TASOR2: variants seen among roughly 807,000 people sequenced by gnomAD.
TASOR2 encodes the protein transcription activation suppressor family member 2.
TASOR2 carries 84 observed loss-of-function variants against 199.5 expected under a neutral mutation model. The observed-to-expected ratio is 0.42, with a 90% CI of 0.35 to 0.50. TASOR2 has a LOEUF of 0.50. TASOR2 is among the 20% of genes least tolerant of loss of function. TASOR2 has a pLI of 0.02. For synonymous variants in TASOR2, 1,103 were observed against 1,046.6 expected (o/e 1.05, Z -1.04); for missense variants, 2,796 against 2,835.9 (o/e 0.99, Z 0.32).
exon 15 of TASOR2, chr10:5,747,127 G>C: frequency 1.2e-6 from 2 of 1,614,052 alleles, no homozygotes; most frequent in Non-Finnish European, 1.7e-6. Flanking sequence ...TGACTCTTTA[G>C]AACTAAGGAA....
At chr10:5,716,662 C>T (rs767660011) in intron 2 of TASOR2, among the ~76,000 whole-genome samples, 1 of 152,108 alleles carries the variant, frequency 6.6e-6, no homozygotes, top group Non-Finnish European at 1.5e-5. Flanking sequence ...TGCCTGTAAT[C>T]GTAGCTCTTT....
chr10:5,730,416 C>T lies in TASOR2; in HGVS notation c.488-71C>T. ...CATCACATAATTTTGAAATCTAAAG[C>T]TTTTTTTTCCAGAATGTTTTGTTTT... is the stretch of plus-strand genomic sequence containing the variant. On this transcript the variant is annotated intron_variant, in intron 10 of 20. Transcript: ENST00000328090. The surrounding 1 kb of genome is among the most constrained non-coding windows in gnomAD (Gnocchi z 4.1). The T allele has an allele frequency of 8.1e-7, 1 of 1,237,730 alleles. No individual in the cohort carries two copies. The highest frequency in any genetic ancestry group is 1.1e-6 in the Non-Finnish European group (1 of 901,190). The allele number at this position is 1,237,730 out of a possible 1,614,324, so 76.7% of individuals were successfully genotyped here. A position where few individuals can be genotyped will look rare whatever the true frequency, so the allele number is the denominator to read the frequency against.
At chr10:5,741,199 T>A (rs1051554852) in intron 13 of TASOR2, among the ~76,000 whole-genome samples, 1 of 152,216 alleles carries the variant, frequency 6.6e-6, no homozygotes, top group African/African-American at 2.4e-5. Flanking sequence ...TTTCAGGTGA[T>A]ATCAATGGTG....
At position 5,738,359 on chromosome 10, in the gene TASOR2, C is replaced by A. The variant is rs951909680; in HGVS notation, c.1448-1259C>A. On this transcript the variant is annotated intron_variant, in intron 12 of 20. Transcript: ENST00000328090. The surrounding 1 kb of genome is among the most constrained non-coding windows in gnomAD (Gnocchi z 4.7). ...TAATACAGTATCTTTTATATTAGGC[C>A]TTACTGGTAAGTAATATTTTGTGTA... Among the ~76,000 whole-genome samples, 1 of 151,878 alleles carries A rather than the reference C, an allele frequency of 6.6e-6. No individual in the cohort carries two copies. The highest frequency in any genetic ancestry group is 1.5e-5 in the Non-Finnish European group (1 of 68,024).
chr10:5,695,347 TATC>T (rs1183100896), intron 1 of TASOR2, among the ~76,000 whole-genome samples: 11 of 152,324 alleles, frequency 7.2e-5, no homozygotes, highest in African/African-American at 2.4e-4. Flanking sequence ...TTTGAGATAA[TATC>T]ATTGAAGATC....
exon 11 of TASOR2, chr10:5,731,009 T>C: frequency 6.2e-7 from 1 of 1,614,118 alleles, no homozygotes; most frequent in Non-Finnish European, 8.5e-7. Context: ...AAGAGAGTTT[T>C]TCCATTGAGT....
At chr10:5,692,625 G>A (rs1399534417) in intron 1 of TASOR2, among the ~76,000 whole-genome samples, 1 of 152,114 alleles carries the variant, frequency 6.6e-6, no homozygotes, top group East Asian at 1.9e-4. Flanking sequence ...TCTACGGAGT[G>A]TGCGGGGATC....
intron 15 of TASOR2, among the ~76,000 whole-genome samples, chr10:5,753,782 C>G (rs1295718175): frequency 6.6e-6 from 1 of 152,188 alleles, no homozygotes; most frequent in Non-Finnish European, 1.5e-5. Flanking sequence ...ATTGAATGGT[C>G]TTCACTCTCT....
At chr10:5,761,134 T>C (rs570924318) in intron 18 of TASOR2, 156 bp from the exon 20 acceptor site, 257 of 606,556 alleles carry the variant, frequency 4.2e-4, no homozygotes, top group Admixed American at 9.9e-4. Flanking sequence ...GTAGGTACAA[T>C]TGTGATGTTT....
At position 5,742,834 on chromosome 10, in the gene TASOR2, C is replaced by CT. The variant is rs1231339856; in HGVS notation, c.2757+310dup. Reference sequence around the variant, plus strand: ...TTTGCCTAATTTTTAAAAGAGGTGACTTAATACCTATCAAGTCTTATGTAG... The same window carrying CT: ...TTTGCCTAATTTTTAAAAGAGGTGACTTTAATACCTATCAAGTCTTATGTAG... On this transcript the variant is annotated intron_variant, in intron 14 of 20. Transcript: ENST00000328090. The surrounding 1 kb of genome is among the most constrained non-coding windows in gnomAD (Gnocchi z 4.2). Among the ~76,000 whole-genome samples, 1 of 152,100 alleles carries CT rather than the reference C, an allele frequency of 6.6e-6. No individual in the cohort carries two copies. Among genetic ancestry groups the CT allele is most frequent in the Non-Finnish European group, 1.5e-5 (1 of 68,032 alleles).
chr10:5,761,311 G>C lies in TASOR2; in HGVS notation c.7014G>C (p.Lys2338Asn), dbSNP rs187381778. The change falls in exon 19 of 21, where the codon AAG (lysine) becomes AAC (asparagine). Residue 2338 changes from lysine to asparagine, a missense_variant. Physicochemically the swap from Lys to Asn is moderately conservative, Grantham distance 94. Around this residue, in one of 3 missense-constraint regions of TASOR2, gnomAD observed 1,941 missense variants for 1,924.9 expected, o/e 1.01. Coordinates refer to ENST00000328090, the Ensembl canonical transcript of TASOR2. ...ACAGAGTGGATTCAACTGCACATAA[G>C]AAGAACATAATGTTGAAGTCATTTC... 5.9e-5 allele frequency: 96 copies of C among 1,613,518 alleles called. No individual in the cohort carries two copies. In the African/African-American group the frequency reaches 1.1e-3, roughly 19 times the overall value.
At chr10:5,712,865 CAGGA>C in exon 2 of TASOR2, 1 of 1,231,244 alleles carries the variant, frequency 8.1e-7, no homozygotes, top group Non-Finnish European at 1.0e-6. Flanking sequence ...TAGTTATACT[CAGGA>C]AGAACTTCAA....
At chr10:5,741,047 C>A (rs1051719567) in intron 13 of TASOR2, among the ~76,000 whole-genome samples, 9 of 152,190 alleles carry the variant, frequency 5.9e-5, no homozygotes, top group African/African-American at 2.2e-4. Context: ...CCCTTTCTTA[C>A]CTCCTGTGAT....
At chr10:5,732,378 C>G (rs947574021) in intron 11 of TASOR2, among the ~76,000 whole-genome samples, 1 of 152,254 alleles carries the variant, frequency 6.6e-6, no homozygotes, top group Non-Finnish European at 1.5e-5. Context: ...GTGACAGAAG[C>G]CACATGACCT....
exon 15 of TASOR2, chr10:5,747,149 A>G: frequency 1.2e-6 from 2 of 1,614,174 alleles, no homozygotes; most frequent in Non-Finnish European, 1.7e-6. Context: ...AATCACAAGA[A>G]TGGTCCAAAC....
At chr10:5,757,785 GC>G in intron 17 of TASOR2, 112 bp downstream of exon 18, 1 of 1,160,130 alleles carries the variant, frequency 8.6e-7, no homozygotes, top group Non-Finnish European at 1.2e-6. Context: ...AATATCAGTT[GC>G]CCCCTACTGA....
rs116277601 is a variant in TASOR2, at chr10:5,754,178, G to A, written c.6607-2435G>A. On this transcript the variant is annotated intron_variant, in intron 15 of 20. Transcript: ENST00000328090. This position sits in a 1 kb window ranked among gnomAD's most constrained non-coding sequence, Gnocchi z 4.3. ...AAATTAGCCGGGTGTGGCGGCGCGC[G>A]CTTGTGGTACTCGGGAGGCTAAGGC... is the stretch of plus-strand genomic sequence containing the variant. Among the ~76,000 whole-genome samples the A allele has an allele frequency of 0.014, 2,070 of 152,118 alleles. 48 individuals carry two copies. Among genetic ancestry groups the A allele is most frequent in the African/African-American group, 0.048 (1,978 of 41,482 alleles).
At chr10:5,732,818 G>T (rs564896605) in intron 11 of TASOR2, among the ~76,000 whole-genome samples, 1 of 152,166 alleles carries the variant, frequency 6.6e-6, no homozygotes, top group African/African-American at 2.4e-5. Flanking sequence ...GATTACAGGC[G>T]TCAGCCACTG....
At chr10:5,753,139 A>G (rs1838313140) in intron 15 of TASOR2, among the ~76,000 whole-genome samples, 2 of 152,186 alleles carry the variant, frequency 1.3e-5, no homozygotes, top group Non-Finnish European at 2.9e-5. Context: ...TTTTAGGACG[A>G]TATCTTAGCG....
Sources: allele counts gnomAD v4.1 joint callset (sites outside exome capture counted in the v4.1 genomes callset), GRCh38; gene constraint gnomAD v4.1.1; regional missense constraint gnomAD v4.1.1; non-coding constraint Gnocchi (gnomAD v3.1); transcripts MANE v1.5; gene names NCBI Gene and HGNC (gene_info 2026-07-23, HGNC 2026-07-21).